Variants in PNLIPRP3 observed in about 807,000 individuals in gnomAD.
PNLIPRP3 encodes pancreatic lipase related protein 3.
A neutral mutation model predicts 52.8 loss-of-function variants in PNLIPRP3; 58 were observed. The ratio of observed to expected loss-of-function variants is 1.10; its 90% CI spans 0.89 to 1.37. PNLIPRP3 has a LOEUF of 1.37. PNLIPRP3 is among the 40% of genes most tolerant of loss of function. The pLI, the probability that PNLIPRP3 is intolerant of heterozygous loss-of-function variation, is 0.00. For missense variants in PNLIPRP3, 593 were observed against 561.6 expected (o/e 1.06, Z -0.57); for synonymous variants, 192 against 185.0 (o/e 1.04, Z -0.31).
At position 116,477,745 on chromosome 10, in the gene PNLIPRP3, G is replaced by A. The variant is rs993404399; in HGVS notation, c.*592G>A. The A allele has an allele frequency of 1.3e-5, 2 of 152,112 alleles. No individual in the cohort carries two copies. The highest frequency in any genetic ancestry group is 2.9e-5 in the Non-Finnish European group (2 of 68,062). 9.4% of individuals were successfully genotyped at this position (152,112 alleles called of 1,614,324 possible). ...ACAAGAGAGATTTTGGAGCTTATCT[G>A]TTATGTGTTCATCAGTTAGCAATGG... On this transcript the variant is annotated 3_prime_UTR_variant, in exon 12 of 12. Coordinates refer to ENST00000369230, the MANE Select transcript of PNLIPRP3 (RefSeq NM_001011709.3).
intron 5 of PNLIPRP3, among the ~76,000 whole-genome samples, chr10:116,459,910 C>T (rs536625082): frequency 2.6e-5 from 4 of 152,246 alleles, no homozygotes; most frequent in South Asian, 4.1e-4. Context: ...TGGCGTTACA[C>T]GTGCCCACTA....
intron 1 of PNLIPRP3, among the ~76,000 whole-genome samples, chr10:116,431,312 A>G (rs923226322): frequency 1.3e-5 from 2 of 152,096 alleles, no homozygotes; most frequent in African/African-American, 4.8e-5. Flanking sequence ...GTGGCTTCCC[A>G]TCTCACTTCA....
chr10:116,436,436 A>G (rs1159691229), intron 1 of PNLIPRP3, among the ~76,000 whole-genome samples: 2 of 152,206 alleles, frequency 1.3e-5, no homozygotes, highest in Non-Finnish European at 2.9e-5. Flanking sequence ...GGCTTTAGCA[A>G]TGATCATTTT....
chr10:116,451,414 GC>G (rs2133130971), intron 4 of PNLIPRP3, among the ~76,000 whole-genome samples: 1 of 152,280 alleles, frequency 6.6e-6, no homozygotes, highest in South Asian at 2.1e-4. Flanking sequence ...GGCAGCAAAA[GC>G]AAAAATAGAC....
intron 11 of PNLIPRP3, 111 bp downstream of exon 11, chr10:116,476,930 A>C: frequency 1.6e-6 from 2 of 1,281,200 alleles, no homozygotes; most frequent in Non-Finnish European, 1.1e-6. Flanking sequence ...TAGACTTTGA[A>C]ATTTTGCAAT....
intron 1 of PNLIPRP3, among the ~76,000 whole-genome samples, chr10:116,434,982 G>A (rs1028836070): frequency 4.6e-5 from 7 of 152,166 alleles, no homozygotes; most frequent in Non-Finnish European, 1.0e-4. Context: ...CAAATATGGA[G>A]TAACCTACGA....
At chr10:116,436,892 T>G in intron 2 of PNLIPRP3, 27 bp downstream of exon 2, 1 of 1,544,314 alleles carries the variant, frequency 6.5e-7, no homozygotes, top group Non-Finnish European at 8.8e-7. Flanking sequence ...CCTTCACACA[T>G]GGATTATTCT....
chr10:116,455,195 C>A (rs1313777798), intron 4 of PNLIPRP3, among the ~76,000 whole-genome samples: 1 of 152,192 alleles, frequency 6.6e-6, no homozygotes, highest in Admixed American at 6.5e-5. Context: ...CTATTCAAAT[C>A]CTTTGCCCAT....
intron 3 of PNLIPRP3, among the ~76,000 whole-genome samples, chr10:116,443,797 GTGTGCATATATATATATATA>G (rs6144112): frequency 0.67 from 80,614 of 119,878 alleles, 28,989 homozygotes; most frequent in South Asian, 0.83. Context: ...ATGTATGTGT[GTGTGCATATATATATATATA>G]TATATATATA....
intron 7 of PNLIPRP3, 75 bp from the exon 8 acceptor site, chr10:116,465,975 A>T: frequency 9.3e-7 from 1 of 1,076,426 alleles, no homozygotes; most frequent in Non-Finnish European, 1.4e-6. Context: ...ACTTACAGTT[A>T]CTGTTTCTAA....
chr10:116,445,152 C>A (rs1020049587), intron 4 of PNLIPRP3, among the ~76,000 whole-genome samples: 1 of 151,486 alleles, frequency 6.6e-6, no homozygotes, highest in Non-Finnish European at 1.5e-5. Context: ...ATATATTTCA[C>A]TCTGCACTTA....
intron 2 of PNLIPRP3, chr10:116,439,623 TA>T: frequency 1.3e-6 from 1 of 769,042 alleles, no homozygotes; most frequent in Non-Finnish European, 2.4e-6. Flanking sequence ...CTTAGTGATG[TA>T]AGGCTGCTTT....
intron 10 of PNLIPRP3, among the ~76,000 whole-genome samples, chr10:116,475,382 G>A (rs930738526): frequency 1.3e-5 from 2 of 152,094 alleles, no homozygotes; most frequent in Non-Finnish European, 2.9e-5. Context: ...ACAGACACAT[G>A]TTTACCTATG....
rs149006519 is a variant in PNLIPRP3, at chr10:116,446,395, G to C, written c.456+1882G>C. On this transcript the variant is annotated intron_variant, in intron 4 of 11. Transcript: ENST00000369230. ...AAATAGTGGCAACAGTAGAGGAAGG[G>C]ATGTTCTAATGACCATGTAGCATTC... is the stretch of plus-strand genomic sequence containing the variant. 1.5e-3 allele frequency among the ~76,000 whole-genome samples: 221 copies of C among 150,848 alleles called. 1 individual carries two copies. The highest frequency in any genetic ancestry group is 5.3e-3 in the African/African-American group (216 of 41,078).
intron 4 of PNLIPRP3, among the ~76,000 whole-genome samples, chr10:116,446,613 C>T (rs886875931): frequency 1.3e-5 from 2 of 152,070 alleles, no homozygotes; most frequent in Non-Finnish European, 2.9e-5. Flanking sequence ...AATGCTTGCT[C>T]AGGAGTGACA....
intron 2 of PNLIPRP3, among the ~76,000 whole-genome samples, chr10:116,441,475 C>T (rs1443226797): frequency 1.3e-5 from 2 of 152,132 alleles, no homozygotes; most frequent in Admixed American, 1.3e-4. Flanking sequence ...GGCGCTCCAG[C>T]TGGGCCTAAG....
Position 116,427,913 on chromosome 10 carries a change from G to T in PNLIPRP3, c.-100G>T. ...AAACGTAGAGTTTAAACATTGAGTTGCATCATTGTGAGGAAAACCACTTAG... is the reference window on the plus strand; with the variant it reads ...AAACGTAGAGTTTAAACATTGAGTTTCATCATTGTGAGGAAAACCACTTAG... On this transcript the variant is annotated 5_prime_UTR_variant, in exon 1 of 12. Coordinates refer to ENST00000369230, the MANE Select transcript of PNLIPRP3 (RefSeq NM_001011709.3). The T allele has an allele frequency of 1.2e-6, 1 of 840,234 alleles. No homozygotes were observed. The highest frequency in any genetic ancestry group is 2.0e-6 in the Non-Finnish European group (1 of 490,614). 52.0% of individuals were successfully genotyped at this position (840,234 alleles called of 1,614,324 possible).
intron 5 of PNLIPRP3, among the ~76,000 whole-genome samples, chr10:116,460,567 T>C (rs999666809): frequency 1.3e-5 from 2 of 152,214 alleles, no homozygotes; most frequent in African/African-American, 2.4e-5. Flanking sequence ...TTATTTTAAT[T>C]GTGTTGCTTT....
At chr10:116,439,565 C>A (rs549861475) in intron 2 of PNLIPRP3, 369 of 847,608 alleles carry the variant, frequency 4.4e-4, no homozygotes, top group Non-Finnish European at 6.7e-4. Context: ...ACTTTACTTT[C>A]GACTTATAGT....
Sources: gnomAD v4.1 joint callset for allele counts (sites outside exome capture counted in the v4.1 genomes callset) on GRCh38, gnomAD v4.1.1 for gene constraint, MANE v1.5 for transcripts, NCBI Gene and HGNC (gene_info 2026-07-23, HGNC 2026-07-21) for gene names.